WWC2: variants seen among roughly 807,000 people sequenced by gnomAD.
WWC2 encodes the protein protein WWC2.
In WWC2, 101 loss-of-function variants were observed where a neutral mutation model predicts 138.5. That is an observed-to-expected ratio of 0.73 (90% CI 0.62 to 0.86). WWC2 has a LOEUF of 0.86. Ranked by LOEUF, WWC2 falls within the 40% of genes least tolerant of loss-of-function variation. The pLI, the probability that WWC2 is intolerant of heterozygous loss-of-function variation, is 0.00. For synonymous variants in WWC2, 558 were observed against 538.4 expected (o/e 1.04, Z -0.50); for missense variants, 1,420 against 1,419.4 (o/e 1.00, Z -0.01).
intron 21 of WWC2, among the ~76,000 whole-genome samples, chr4:183,298,977 TCA>T (rs1738729970): frequency 6.6e-6 from 1 of 152,300 alleles, no homozygotes; most frequent in South Asian, 2.1e-4. Context: ...AGATTTTTTA[TCA>T]CACTGTAGGA....
chr4:183,265,738 T>C lies in WWC2; in HGVS notation c.2090T>C (p.Val697Ala). 1 of 1,611,870 alleles carries C rather than the reference T, an allele frequency of 6.2e-7. No homozygotes were observed. Among genetic ancestry groups the C allele is most frequent in the Non-Finnish European group, 8.5e-7 (1 of 1,179,034 alleles). Residue 697 changes from valine to alanine, a missense_variant, in exon 13 of 23, where the codon GTA becomes GCA. Transcript: ENST00000403733. ...TACAGTGAAGAGGATGTAGCCATTGTAGAGACCGCCCAGGTTCAGATAGGA... is the reference window on the plus strand; with the variant it reads ...TACAGTGAAGAGGATGTAGCCATTGCAGAGACCGCCCAGGTTCAGATAGGA... The part of the protein sequence containing the change: ...VTYSEEDVAI[V>A]ETAQVQIGLR...
chr4:183,199,942 T>G (rs1443344427), intron 2 of WWC2, among the ~76,000 whole-genome samples: 1 of 152,208 alleles, frequency 6.6e-6, no homozygotes, highest in East Asian at 1.9e-4. Context: ...TGTAATATAC[T>G]TGAGTATTTA....
chr4:183,105,650 G>T (rs980798385), intron 1 of WWC2, among the ~76,000 whole-genome samples: 2 of 152,154 alleles, frequency 1.3e-5, no homozygotes, highest in African/African-American at 4.8e-5. Context: ...CAGCACTTTG[G>T]GAGGCCAAGG....
intron 16 of WWC2, among the ~76,000 whole-genome samples, chr4:183,276,677 T>G (rs111751076): frequency 5.5e-4 from 84 of 152,206 alleles, no homozygotes; most frequent in African/African-American, 1.9e-3. Context: ...TTTCCTCACG[T>G]TTTTACCCTT....
At chr4:183,284,540 C>A in intron 19 of WWC2, 150 bp downstream of exon 19, 2 of 914,022 alleles carry the variant, frequency 2.2e-6, no homozygotes, top group South Asian at 2.1e-5. Context: ...TGTAGAATAT[C>A]ACGTGCTTAT....
intron 1 of WWC2, among the ~76,000 whole-genome samples, chr4:183,105,851 A>G (rs151136036): frequency 1.4e-4 from 21 of 151,890 alleles, no homozygotes; most frequent in African/African-American, 2.7e-4. Flanking sequence ...CATTGCGCCA[A>G]TGCACTCCAG....
At chr4:183,265,287 A>G (rs1023995470) in intron 12 of WWC2, among the ~76,000 whole-genome samples, 180 bp downstream of exon 12, 12 of 152,232 alleles carry the variant, frequency 7.9e-5, no homozygotes, top group African/African-American at 2.9e-4. Flanking sequence ...AGCCATGGAA[A>G]TTATCGATAA....
chr4:183,156,042 T>C (rs1205485115), intron 1 of WWC2, among the ~76,000 whole-genome samples: 2 of 152,212 alleles, frequency 1.3e-5, no homozygotes, highest in African/African-American at 4.8e-5. Context: ...TTTTTTCTTT[T>C]TTGAGACGGA....
At chr4:183,151,980 C>T (rs1166671155) in intron 1 of WWC2, among the ~76,000 whole-genome samples, 1 of 152,130 alleles carries the variant, frequency 6.6e-6, no homozygotes, top group East Asian at 1.9e-4. Context: ...TTTATATAAG[C>T]CTCCATATAC....
At chr4:183,266,733 A>G (rs1737517043) in intron 14 of WWC2, among the ~76,000 whole-genome samples, 1 of 152,338 alleles carries the variant, frequency 6.6e-6, no homozygotes, top group East Asian at 1.9e-4. Flanking sequence ...GTGGATCTTA[A>G]TAATATTTTG....
At chr4:183,284,434 CT>C (rs748985946) in intron 19 of WWC2, 44 bp downstream of exon 19, 1 of 1,595,512 alleles carries the variant, frequency 6.3e-7, no homozygotes, top group East Asian at 2.2e-5. Context: ...ACTGCAGCTT[CT>C]TCCCTGCTGG....
chr4:183,296,600 A>T (rs906947831), intron 21 of WWC2, among the ~76,000 whole-genome samples: 2 of 152,156 alleles, frequency 1.3e-5, no homozygotes, highest in Non-Finnish European at 1.5e-5. Flanking sequence ...GTTTCTGACG[A>T]TGATTAGAAT....
chr4:183,307,952 T>C (rs2111113818), intron 21 of WWC2, among the ~76,000 whole-genome samples: 1 of 152,336 alleles, frequency 6.6e-6, no homozygotes, highest in South Asian at 2.1e-4. Context: ...TGGTTGTCCA[T>C]GTAGGCAACC....
chr4:183,298,965 G>A (rs1420966362), intron 21 of WWC2, among the ~76,000 whole-genome samples: 1 of 152,146 alleles, frequency 6.6e-6, no homozygotes, highest in African/African-American at 2.4e-5. Context: ...GTTATGCAGA[G>A]CAGATTTTTT....
intron 6 of WWC2, among the ~76,000 whole-genome samples, chr4:183,246,005 G>C (rs1315993300): frequency 6.6e-6 from 1 of 152,132 alleles, no homozygotes; most frequent in East Asian, 1.9e-4. Context: ...GTTGATTCTG[G>C]GGTGCCAGCT....
At chr4:183,123,486 G>A (rs1046825295) in intron 1 of WWC2, among the ~76,000 whole-genome samples, 1 of 149,876 alleles carries the variant, frequency 6.7e-6, no homozygotes, top group Non-Finnish European at 1.5e-5. Flanking sequence ...AGCATTTATG[G>A]ATATATACAT....
chr4:183,160,425 A>C (rs776375976), intron 1 of WWC2, among the ~76,000 whole-genome samples: 98 of 152,372 alleles, frequency 6.4e-4, no homozygotes, highest in Middle Eastern at 6.8e-3. Context: ...TAGCAAAGCA[A>C]ATGTGGGATG....
chr4:183,245,466 C>T lies in WWC2; in HGVS notation c.653C>T (p.Ala218Val). ...CAGAGCGGGTATGAACTCAGTGAAGCCAAAGCCATTCTAACAGAACTAAAA... is the reference window on the plus strand; with the variant it reads ...CAGAGCGGGTATGAACTCAGTGAAGTCAAAGCCATTCTAACAGAACTAAAA... ...GGQSGYELSE[A>V]KAILTELKSI... The change falls in exon 6 of 23, where the codon GCC becomes GTC. Residue 218 changes from alanine to valine, a missense_variant. Ala to Val is a moderately conservative substitution (Grantham distance 64). Coordinates refer to ENST00000403733, the MANE Select transcript of WWC2 (RefSeq NM_024949.6). The T allele has an allele frequency of 6.2e-7, 1 of 1,605,350 alleles. No individual in the cohort carries two copies. Among genetic ancestry groups the T allele is most frequent in the Non-Finnish European group, 8.5e-7 (1 of 1,176,732 alleles).
chr4:183,196,798 T>G (rs1311434598), intron 2 of WWC2, among the ~76,000 whole-genome samples: 1 of 152,176 alleles, frequency 6.6e-6, no homozygotes, highest in African/African-American at 2.4e-5. Context: ...GGCAGTCTGC[T>G]CAGGTGCCAC....
Sources: gnomAD v4.1 joint callset for allele counts (sites outside exome capture counted in the v4.1 genomes callset) on GRCh38, gnomAD v4.1.1 for gene constraint, MANE v1.5 for transcripts, NCBI Gene and HGNC (gene_info 2026-07-23, HGNC 2026-07-21) for gene names.